Variants in G3BP2 observed in about 807,000 individuals in gnomAD.
G3BP2 encodes ras GTPase-activating protein-binding protein 2.
G3BP2 carries 11 observed loss-of-function variants against 56.7 expected under a neutral mutation model. The ratio of observed to expected loss-of-function variants is 0.19; its 90% CI spans 0.12 to 0.32. G3BP2 has a LOEUF of 0.32. Among genes scored for constraint, G3BP2 ranks in the 10% least tolerant of loss-of-function variants. The probability of loss-of-function intolerance (pLI) is 1.00; values close to 1 mark genes in which losing one functional copy is unlikely to be tolerated. For missense variants in G3BP2, 340 were observed against 610.9 expected (o/e 0.56, Z 4.67); for synonymous variants, 165 against 191.6 (o/e 0.86, Z 1.15).
Position 75,654,199 on chromosome 4 carries a change from G to A in G3BP2, c.727-118C>T, listed in dbSNP as rs1257665671. On this transcript the variant is annotated intron_variant, in intron 7 of 11. Coordinates refer to ENST00000359707, the MANE Select transcript of G3BP2 (RefSeq NM_203505.3). The stretch of plus-strand genomic sequence containing the variant: ...TCTAAACTATTGCTCTATATTGGAA[G>A]ACTCCTAAAAGAAAGGCACACACAC... The A allele has an allele frequency of 5.1e-6, 3 of 583,688 alleles. No homozygotes were observed. The African/African-American group carries it at 5.6e-5, about 11-fold the overall frequency. The allele number at this position is 583,688 out of a possible 1,614,324, so 36.2% of individuals were successfully genotyped here.
intron 3 of G3BP2, among the ~76,000 whole-genome samples, chr4:75,712,387 C>G (rs1466571075): frequency 6.6e-6 from 1 of 152,090 alleles, no homozygotes; most frequent in East Asian, 1.9e-4. Context: ...ATGATCTCAT[C>G]ATACTCAATG....
upstream of G3BP2, chr4:75,673,576 A>C (rs750504320): frequency 1.4e-5 from 17 of 1,231,666 alleles, no homozygotes; most frequent in Non-Finnish European, 1.6e-5. Flanking sequence ...GCGCTCGCAC[A>C]CGCTCGCGCC....
intron 8 of G3BP2, among the ~76,000 whole-genome samples, chr4:75,650,548 T>C (rs1275714768): frequency 6.6e-6 from 1 of 152,196 alleles, no homozygotes; most frequent in East Asian, 1.9e-4. Flanking sequence ...TGCCTGCCTC[T>C]TCCTAAATTC....
At chr4:75,716,819 C>G (rs1490071548) in intron 3 of G3BP2, among the ~76,000 whole-genome samples, 2 of 152,214 alleles carry the variant, frequency 1.3e-5, no homozygotes, top group East Asian at 3.9e-4. Context: ...CCGGCCTCTT[C>G]TAGTTCTTTA....
At chr4:75,684,882 T>C (rs1332765270) in intron 3 of G3BP2, among the ~76,000 whole-genome samples, 1 of 152,094 alleles carries the variant, frequency 6.6e-6, no homozygotes, top group Non-Finnish European at 1.5e-5. Flanking sequence ...ATCTAAACCA[T>C]GCTCTTTTTC....
intron 11 of G3BP2, 109 bp from the exon 12 acceptor site, chr4:75,645,811 A>G: frequency 1.1e-6 from 1 of 908,720 alleles, no homozygotes; most frequent in Non-Finnish European, 1.7e-6. Flanking sequence ...CACTTTTATC[A>G]GCCCCCCACC....
chr4:75,717,698 C>G (rs1719982530), intron 3 of G3BP2, among the ~76,000 whole-genome samples: 2 of 152,298 alleles, frequency 1.3e-5, no homozygotes, highest in South Asian at 4.1e-4. Flanking sequence ...GACTGCAACC[C>G]TACCCTGGCT....
chr4:75,702,245 G>A (rs1719376772), intron 3 of G3BP2, among the ~76,000 whole-genome samples: 2 of 132,528 alleles, frequency 1.5e-5, no homozygotes, highest in African/African-American at 5.7e-5. Context: ...ACACAATCTT[G>A]GCTTACTGTA....
chr4:75,645,383 C>T lies in G3BP2; in HGVS notation c.*47G>A. On this transcript the variant is annotated 3_prime_UTR_variant, in exon 12 of 12. Coordinates refer to ENST00000359707, the MANE Select transcript of G3BP2 (RefSeq NM_203505.3). ...AAAAAAAAATTAACAAGAATGCAAA[C>T]ACGATGAATAATGTACCACTGCCAA... 6.5e-7 allele frequency: 1 copy of T among 1,538,738 alleles called. No individual in the cohort carries two copies. The highest frequency in any genetic ancestry group is 2.3e-5 in the East Asian group (1 of 43,922).
At chr4:75,654,159 T>TAGAA in intron 7 of G3BP2, 78 bp from the exon 8 acceptor site, 1 of 717,246 alleles carries the variant, frequency 1.4e-6, no homozygotes. Context: ...TCCAAATATA[T>TAGAA]ATTTTCTTTT....
intron 1 of G3BP2, among the ~76,000 whole-genome samples, chr4:75,665,567 A>G (rs1732947165): frequency 6.6e-6 from 1 of 151,978 alleles, no homozygotes; most frequent in Non-Finnish European, 1.5e-5. Flanking sequence ...GCAACAAGGC[A>G]AAACCCCATC....
At chr4:75,694,708 A>G in intron 3 of G3BP2, 2 of 955,174 alleles carry the variant, frequency 2.1e-6, no homozygotes, top group Non-Finnish European at 2.5e-6. Context: ...ATTGCACTCC[A>G]GCCTGGGCAA....
chr4:75,693,889 CCAT>C (rs1249670863), intron 3 of G3BP2, among the ~76,000 whole-genome samples: 1 of 151,510 alleles, frequency 6.6e-6, no homozygotes, highest in Non-Finnish European at 1.5e-5. Context: ...CCTGCCACCA[CCAT>C]GTCTGGCTAA....
At chr4:75,676,500 G>A (rs149387789), upstream of G3BP2, among the ~76,000 whole-genome samples, 1,828 of 151,972 alleles carry the variant, frequency 0.012, 42 homozygotes, top group African/African-American at 0.042. Flanking sequence ...GTGCCACCAC[G>A]CCCATCTAAT....
intron 1 of G3BP2, among the ~76,000 whole-genome samples, chr4:75,663,910 G>A (rs186233338): frequency 7.1e-4 from 3 of 4,230 alleles, no homozygotes; most frequent in Non-Finnish European, 1.1e-3. Context: ...TTTTGAGATG[G>A]AGTCTTGCTC....
At chr4:75,671,731 A>G (rs1733504165) in intron 1 of G3BP2, among the ~76,000 whole-genome samples, 1 of 152,234 alleles carries the variant, frequency 6.6e-6, no homozygotes, top group Non-Finnish European at 1.5e-5. Flanking sequence ...ATAAAGGCCC[A>G]TAAGAGTAAT....
chr4:75,646,750 C>A (rs1183817095), intron 10 of G3BP2, among the ~76,000 whole-genome samples: 1 of 152,094 alleles, frequency 6.6e-6, no homozygotes, highest in Non-Finnish European at 1.5e-5. Context: ...TATATTGACC[C>A]ATTTGCCAAA....
chr4:75,692,520 C>G (rs1410776659), intron 3 of G3BP2, among the ~76,000 whole-genome samples: 2 of 152,078 alleles, frequency 1.3e-5, no homozygotes, highest in African/African-American at 4.8e-5. Context: ...CCATATTGGA[C>G]AGGCTGGTCT....
intron 3 of G3BP2, among the ~76,000 whole-genome samples, chr4:75,705,111 A>G (rs994768208): frequency 7.9e-5 from 12 of 152,194 alleles, no homozygotes; most frequent in African/African-American, 2.9e-4. Flanking sequence ...AAGCCAAAAT[A>G]TTGGACACCC....
Sources: allele counts gnomAD v4.1 joint callset (sites outside exome capture counted in the v4.1 genomes callset), GRCh38; gene constraint gnomAD v4.1.1; transcripts MANE v1.5; gene names NCBI Gene and HGNC (gene_info 2026-07-23, HGNC 2026-07-21).